Variants in PANX1 observed in about 807,000 individuals in gnomAD.
PANX1 encodes the protein pannexin-1.
Under a neutral mutation model 38.7 loss-of-function variants are expected in PANX1, and 30 were observed. The observed-to-expected ratio is 0.78, with a 90% CI of 0.58 to 1.05. PANX1 has a LOEUF of 1.05. Among genes scored for constraint, PANX1 ranks in the 50% least tolerant of loss-of-function variants. The pLI, the probability that PANX1 is intolerant of heterozygous loss-of-function variation, is 0.00. For synonymous variants in PANX1, 230 were observed against 212.2 expected (o/e 1.08, Z -0.73); for missense variants, 551 against 517.2 (o/e 1.07, Z -0.63).
At chr11:94,167,428 A>G (rs1448886470) in intron 2 of PANX1, among the ~76,000 whole-genome samples, 4 of 152,232 alleles carry the variant, frequency 2.6e-5, no homozygotes, top group East Asian at 1.9e-4. Context: ...GGAGGGTTCA[A>G]TTCAGCCATT....
chr11:94,131,933 C>T (rs780519557), intron 1 of PANX1, among the ~76,000 whole-genome samples: 6 of 152,170 alleles, frequency 3.9e-5, no homozygotes, highest in Non-Finnish European at 7.3e-5. Context: ...CCATATTGGC[C>T]AGTGAACTCA....
rs558951523 is a variant in PANX1 at position 94,129,374 on chromosome 11, C to G, written c.62C>G (p.Thr21Arg). ...TCGGATTTCTTGCTGAAGGAGCCCA[C>G]GGAGCCCAAGTTCAAGGGGCTGCGA... is the stretch of plus-strand genomic sequence containing the variant. The part of the protein sequence containing the change: ...VFSDFLLKEP[T>R]EPKFKGLRLE... The change falls in exon 1 of 5, where the codon ACG (threonine) becomes AGG (arginine). Residue 21 changes from threonine to arginine, a missense_variant. By Grantham distance (71) the Thr-to-Arg change is moderately conservative. Coordinates refer to ENST00000227638, the MANE Select transcript of PANX1 (RefSeq NM_015368.4). 3.3e-4 allele frequency: 540 copies of G among 1,613,876 alleles called. 12 individuals are homozygous for G. In the South Asian group the frequency reaches 5.8e-3, roughly 17 times the overall value.
intron 2 of PANX1, among the ~76,000 whole-genome samples, chr11:94,154,539 G>C (rs1331416494): frequency 6.6e-6 from 1 of 152,064 alleles, no homozygotes; most frequent in African/African-American, 2.4e-5. Flanking sequence ...TTTAGCTTTC[G>C]AAAACCCAAA....
At chr11:94,135,474 G>C (rs1043449401) in intron 1 of PANX1, among the ~76,000 whole-genome samples, 1 of 152,194 alleles carries the variant, frequency 6.6e-6, no homozygotes, top group Admixed American at 6.5e-5. Flanking sequence ...TCTTCAGGCT[G>C]CTTTTTAGCA....
At chr11:94,131,847 G>A (rs1259760818) in intron 1 of PANX1, among the ~76,000 whole-genome samples, 1 of 152,056 alleles carries the variant, frequency 6.6e-6, no homozygotes, top group Non-Finnish European at 1.5e-5. Context: ...TATGCACTCA[G>A]CCAAAAACAA....
intron 1 of PANX1, 57 bp from the exon 2 acceptor site, chr11:94,153,434 G>A (rs1946908755): frequency 1.9e-6 from 3 of 1,588,018 alleles, no homozygotes; most frequent in Non-Finnish European, 2.6e-6. Context: ...TGTGAGATGG[G>A]GACAAGAGTC....
intron 2 of PANX1, among the ~76,000 whole-genome samples, chr11:94,160,299 G>C (rs1021324682): frequency 6.6e-6 from 1 of 152,080 alleles, no homozygotes; most frequent in Non-Finnish European, 1.5e-5. Flanking sequence ...TTTCTGTCTC[G>C]TTGCTCTGTC....
intron 2 of PANX1, 40 bp downstream of exon 2, chr11:94,153,670 T>C: frequency 6.3e-7 from 1 of 1,590,486 alleles, no homozygotes; most frequent in Non-Finnish European, 8.6e-7. Context: ...GTTTGCTTTA[T>C]AGATAAGGAA....
intron 2 of PANX1, among the ~76,000 whole-genome samples, chr11:94,177,451 G>GT (rs1451456240): frequency 2.6e-5 from 4 of 151,916 alleles, no homozygotes; most frequent in Non-Finnish European, 5.9e-5. Flanking sequence ...AGATCATAAA[G>GT]TTTTTTTGTC....
intron 1 of PANX1, among the ~76,000 whole-genome samples, chr11:94,146,370 A>G (rs1481748841): frequency 6.6e-6 from 1 of 152,216 alleles, no homozygotes; most frequent in African/African-American, 2.4e-5. Flanking sequence ...TTGCAACCAC[A>G]TTTAAAGTAT....
rs763823004 is a variant in PANX1, at chr11:94,129,375, G to C, written c.63G>C (p.Thr21=). 3.1e-6 allele frequency: 5 copies of C among 1,613,992 alleles called. No individual in the cohort carries two copies. Among genetic ancestry groups the C allele is most frequent in the African/African-American group, 1.3e-5 (1 of 75,054 alleles). The change falls in exon 1 of 5, where the codon ACG becomes ACC. Residue 21 remains threonine (T), a synonymous_variant. Transcript: ENST00000227638. ...VFSDFLLKEP[T]EPKFKGLRLE... ...CGGATTTCTTGCTGAAGGAGCCCAC[G>C]GAGCCCAAGTTCAAGGGGCTGCGAC...
At position 94,181,187 on chromosome 11, in the gene PANX1, T is replaced by C. The variant is rs1323756882; in HGVS notation, c.*318T>C. The C allele has an allele frequency of 1.6e-5, 4 of 257,962 alleles. No homozygotes were observed. The highest frequency in any genetic ancestry group is 3.0e-5 in the Non-Finnish European group (4 of 132,940). 16.0% of individuals were successfully genotyped at this position (257,962 alleles called of 1,614,324 possible). On this transcript the variant is annotated 3_prime_UTR_variant, in exon 5 of 5. Coordinates refer to ENST00000227638, the MANE Select transcript of PANX1 (RefSeq NM_015368.4). ...TAGCCCTGTCAGAGCCTCGGAGCAA[T>C]ACCTTTCTGTACCCGTGGTGAGACA...
chr11:94,173,873 A>G lies in PANX1; in HGVS notation c.322-4496A>G, dbSNP rs937978429. On this transcript the variant is annotated intron_variant, in intron 2 of 4. Coordinates refer to ENST00000227638, the MANE Select transcript of PANX1 (RefSeq NM_015368.4). ...TGAGTTTCCTAGATCTGCTATAACA[A>G]ATTACAACAGAAATGTATTTCCTCC... 9.9e-5 allele frequency among the ~76,000 whole-genome samples: 15 copies of G among 151,744 alleles called. 1 individual carries two copies. The South Asian group carries it at 3.1e-3, about 32-fold the overall frequency.
Position 94,153,642 on chromosome 11 carries a change from C to T in PANX1, c.321+12C>T, listed in dbSNP as rs984363116. The T allele has an allele frequency of 1.2e-6, 2 of 1,610,740 alleles. No individual in the cohort carries two copies. Among genetic ancestry groups the T allele is most frequent in the African/African-American group, 1.3e-5 (1 of 74,930 alleles). On this transcript the variant is annotated intron_variant, in intron 2 of 4. Coordinates refer to ENST00000227638, the MANE Select transcript of PANX1 (RefSeq NM_015368.4). ...TGTGGCTGCATAAGGTAAAGGGAGA[C>T]ATTTCCAAATAGAACCTGTTTGCTT...
At chr11:94,141,081 C>G (rs1591507167) in intron 1 of PANX1, among the ~76,000 whole-genome samples, 1 of 152,152 alleles carries the variant, frequency 6.6e-6, no homozygotes, top group East Asian at 1.9e-4. Flanking sequence ...GTATCGTGAA[C>G]ATAGTTTTAA....
rs376627227 is a variant in PANX1 at position 94,178,419 on chromosome 11, G to A, written c.372G>A (p.Pro124=). Residue 124 remains proline, a synonymous_variant, in exon 3 of 5, where the codon CCG becomes CCA. Transcript: ENST00000227638. ...TTGCGATCCTCCTGTACCTGCCCCC[G>A]CTGTTCTGGCGTTTCGCAGCTGCTC... ...LLFAILLYLP[P]LFWRFAAAPH... 190 of 1,613,856 alleles carry A rather than the reference G, an allele frequency of 1.2e-4. 1 individual carries two copies. The highest frequency in any genetic ancestry group is 1.4e-4 in the South Asian group (13 of 91,066).
chr11:94,144,047 T>C (rs1946796905), intron 1 of PANX1, among the ~76,000 whole-genome samples: 1 of 151,334 alleles, frequency 6.6e-6, no homozygotes, highest in Non-Finnish European at 1.5e-5. Flanking sequence ...CCCTCACCCA[T>C]ATCTAACTGG....
At chr11:94,137,989 T>G in intron 1 of PANX1, among the ~76,000 whole-genome samples, 1 of 151,596 alleles carries the variant, frequency 6.6e-6, no homozygotes, top group Non-Finnish European at 1.5e-5. Flanking sequence ...GTTTCACAAG[T>G]TTTGTAATAT....
intron 2 of PANX1, among the ~76,000 whole-genome samples, chr11:94,174,499 A>G (rs1947207355): frequency 6.6e-6 from 1 of 151,676 alleles, no homozygotes; most frequent in Admixed American, 6.5e-5. Context: ...TTCAGGTGTT[A>G]CCTCTTTTAT....
Sources: allele counts gnomAD v4.1 joint callset (sites outside exome capture counted in the v4.1 genomes callset), GRCh38; gene constraint gnomAD v4.1.1; transcripts MANE v1.5; gene names NCBI Gene and HGNC (gene_info 2026-07-23, HGNC 2026-07-21).